MAOB: variants seen among roughly 807,000 people sequenced by gnomAD.
MAOB encodes monoamine oxidase B, also known as amine oxidase [flavin-containing] B.
Under a neutral mutation model 41.9 loss-of-function variants are expected in MAOB, and 15 were observed. That is an observed-to-expected ratio of 0.36 (90% CI 0.24 to 0.55). The LOEUF (loss-of-function observed/expected upper bound fraction) is 0.55. MAOB is among the 20% of genes least tolerant of loss of function. The probability of loss-of-function intolerance (pLI) is 0.86; values close to 1 mark genes in which losing one functional copy is unlikely to be tolerated. For synonymous variants in MAOB, 167 were observed against 144.2 expected, an observed-to-expected ratio of 1.16 and a Z score of -1.13; for missense variants, 345 against 398.7, an observed-to-expected ratio of 0.87 and a Z score of 1.15.
intron 8 of MAOB, among the ~76,000 whole-genome samples, chrX:43,786,545 C>T (rs2034402511): frequency 1.8e-5 from 2 of 111,554 alleles, no homozygotes; most frequent in African/African-American, 6.5e-5. Flanking sequence ...TTGAGAAAGT[C>T]TGAAGTATGT....
At chrX:43,858,065 G>A (rs1028522840) in intron 1 of MAOB, among the ~76,000 whole-genome samples, 1 of 111,256 alleles carries the variant, frequency 9.0e-6, no homozygotes, top group Admixed American at 9.5e-5. Context: ...CTGAGCCCTC[G>A]CAGATTCAAG....
chrX:43,805,374 T>C (rs1361264557), intron 3 of MAOB, among the ~76,000 whole-genome samples: 2 of 111,827 alleles, frequency 1.8e-5, no homozygotes, highest in African/African-American at 6.5e-5. Flanking sequence ...TGTGTACACC[T>C]ATGTAACTAC....
At position 43,780,360 on chromosome X, in the gene MAOB, C is replaced by T. The variant is rs750641196; in HGVS notation, c.1061G>A (p.Arg354His). ...TTGTTACCTTTCCTCTTTGGTAAGA[C>T]GTGCCAGTTTTCTGGCTTTGTGGGC... ...ILAHKARKLA[R>H]LTKEERLKKL... Residue 354 changes from arginine to histidine, a missense_variant, in exon 10 of 15, where the codon CGT becomes CAT. Arg to His is a conservative substitution (Grantham distance 29, BLOSUM62 0). Coordinates refer to ENST00000378069, the MANE Select transcript of MAOB (RefSeq NM_000898.5). The T allele has an allele frequency of 4.4e-5, 53 of 1,204,254 alleles. No individual in the cohort carries two copies. Among genetic ancestry groups the T allele is most frequent in the Non-Finnish European group, 6.0e-5 (53 of 890,180 alleles).
intron 1 of MAOB, among the ~76,000 whole-genome samples, chrX:43,860,695 C>T (rs1480056112): frequency 9.0e-6 from 1 of 111,560 alleles, no homozygotes; most frequent in Non-Finnish European, 1.9e-5. Flanking sequence ...TATTTCAAAT[C>T]TTCTAATGAC....
intron 1 of MAOB, among the ~76,000 whole-genome samples, chrX:43,864,702 A>G (rs2035354456): frequency 1.8e-5 from 2 of 111,610 alleles, no homozygotes; most frequent in African/African-American, 6.5e-5. Context: ...GGCATGGTAC[A>G]TGGATGCTCT....
Position 43,828,675 on chromosome X carries a change from G to C in MAOB, c.279+10193C>G, listed in dbSNP as rs369573856. 4.5e-5 allele frequency among the ~76,000 whole-genome samples: 5 copies of C among 111,616 alleles called. No homozygotes were observed. In the South Asian group the frequency reaches 1.9e-3, roughly 42 times the overall value. Reference sequence around the variant, plus strand: ...TTTTTGAGACTTCATCTGCTCTTAAGTATAATCTCTATGTTGGCCTGCACC... The same window carrying C: ...TTTTTGAGACTTCATCTGCTCTTAACTATAATCTCTATGTTGGCCTGCACC... On this transcript the variant is annotated intron_variant, in intron 3 of 14. Coordinates refer to ENST00000378069, the MANE Select transcript of MAOB (RefSeq NM_000898.5).
chrX:43,811,014 T>C (rs764259894), intron 3 of MAOB, among the ~76,000 whole-genome samples: 1 of 112,270 alleles, frequency 8.9e-6, no homozygotes, highest in East Asian at 2.8e-4. Flanking sequence ...TTTGACTTTT[T>C]AAAGCAGACT....
At chrX:43,862,889 A>T (rs2035341782) in intron 1 of MAOB, among the ~76,000 whole-genome samples, 1 of 112,148 alleles carries the variant, frequency 8.9e-6, no homozygotes, top group Non-Finnish European at 1.9e-5. Flanking sequence ...TCCCCAGAAA[A>T]TATAATTGAA....
intron 5 of MAOB, among the ~76,000 whole-genome samples, chrX:43,799,858 T>C (rs925675612): frequency 8.9e-6 from 1 of 111,768 alleles, no homozygotes; most frequent in African/African-American, 3.2e-5. Flanking sequence ...CTCATTTTGA[T>C]GCATTTTTTT....
chrX:43,767,849 C>A (rs1343824660), intron 14 of MAOB, among the ~76,000 whole-genome samples: 1 of 111,788 alleles, frequency 8.9e-6, no homozygotes, highest in African/African-American at 3.3e-5. Flanking sequence ...TCTCCTTTTG[C>A]ATTTTTTCTC....
intron 1 of MAOB, among the ~76,000 whole-genome samples, chrX:43,868,790 A>G (rs1345310929): frequency 9.0e-6 from 1 of 111,061 alleles, no homozygotes; most frequent in Non-Finnish European, 1.9e-5. Context: ...TTTCATTTAA[A>G]AAGTACATTT....
intron 1 of MAOB, among the ~76,000 whole-genome samples, chrX:43,864,841 A>G (rs370225115): frequency 3.6e-5 from 4 of 111,492 alleles, no homozygotes; most frequent in African/African-American, 1.3e-4. Flanking sequence ...ACCATCTCAG[A>G]AAAGCATATG....
Position 43,857,132 on chromosome X carries a change from G to T in MAOB, c.47-13368C>A, listed in dbSNP as rs1418940382. Among the ~76,000 whole-genome samples the T allele has an allele frequency of 9.9e-3, 364 of 36,795 alleles. 3 individuals are homozygous for T. Among genetic ancestry groups the T allele is most frequent in the Middle Eastern group, 0.015 (1 of 68 alleles). The allele number at this position is 36,795 out of a possible 115,157, so 32.0% of individuals were successfully genotyped here. ...ATATATATATAGAGAGAGAGAGAGA[G>T]AGAGAGAGAGAGAGAGAGAGAGAGA... On this transcript the variant is annotated intron_variant, in intron 1 of 14. Transcript: ENST00000378069.
intron 1 of MAOB, among the ~76,000 whole-genome samples, chrX:43,851,311 A>G (rs1015023570): frequency 1.8e-5 from 2 of 112,086 alleles, no homozygotes; most frequent in African/African-American, 6.5e-5. Context: ...GAAGATAATT[A>G]TATGATGCCA....
chrX:43,850,619 G>A (rs1358658026), intron 1 of MAOB: 2 of 219,573 alleles, frequency 9.1e-6, no homozygotes, highest in Non-Finnish European at 1.3e-5. Context: ...TGTTATTCAT[G>A]TCTTGTCCCA....
At chrX:43,863,081 T>C (rs781040148) in intron 1 of MAOB, among the ~76,000 whole-genome samples, 7 of 112,027 alleles carry the variant, frequency 6.2e-5, no homozygotes, top group African/African-American at 2.3e-4. Flanking sequence ...GAGTAATTGG[T>C]AAAGTACTTG....
chrX:43,827,754 C>T (rs972755566), intron 3 of MAOB, among the ~76,000 whole-genome samples: 2 of 111,952 alleles, frequency 1.8e-5, no homozygotes, highest in East Asian at 5.6e-4. Context: ...ACACTAGAAG[C>T]CAGAGTGGCT....
rs1265287770 is a variant in MAOB, at chrX:43,767,635, T to A, written c.1411-17A>T. 1.7e-6 allele frequency: 2 copies of A among 1,198,871 alleles called. No homozygotes were observed. Among genetic ancestry groups the A allele is most frequent in the Non-Finnish European group, 2.3e-6 (2 of 887,767 alleles). On this transcript the variant is annotated splice_polypyrimidine_tract_variant and intron_variant, in intron 14 of 14. Transcript: ENST00000378069. Reference sequence around the variant, plus strand: ...AGGGACATCCTAGGTTCAGAAAACATTGGGTATTAGTACAGGGCTTGTGCA... The same window carrying A: ...AGGGACATCCTAGGTTCAGAAAACAATGGGTATTAGTACAGGGCTTGTGCA...
At chrX:43,871,800 T>A (rs1432662962) in intron 1 of MAOB, among the ~76,000 whole-genome samples, 1 of 110,476 alleles carries the variant, frequency 9.1e-6, no homozygotes, top group Non-Finnish European at 1.9e-5. Context: ...GTATTTATCA[T>A]CGGTGCTTAA....
Sources: gnomAD v4.1 joint callset for allele counts (sites outside exome capture counted in the v4.1 genomes callset) on GRCh38, gnomAD v4.1.1 for gene constraint, MANE v1.5 for transcripts, NCBI Gene and HGNC (gene_info 2026-07-23, HGNC 2026-07-21) for gene names.